SRBD1: variants seen among roughly 807,000 people sequenced by gnomAD.
SRBD1 encodes the protein S1 RNA binding domain 1.
A neutral mutation model predicts 115.3 loss-of-function variants in SRBD1; 88 were observed. That is an observed-to-expected ratio of 0.76 (90% CI 0.64 to 0.91). The LOEUF (loss-of-function observed/expected upper bound fraction) is 0.91, where lower values mean the gene tolerates loss of function less well. Among genes scored for constraint, SRBD1 ranks in the 40% least tolerant of loss-of-function variants. The pLI is 0.00. For synonymous variants in SRBD1, 509 were observed against 407.7 expected, an observed-to-expected ratio of 1.25 and a Z score of -2.99; for missense variants, 1,385 against 1,177.4, an observed-to-expected ratio of 1.18 and a Z score of -2.58.
intron 14 of SRBD1, among the ~76,000 whole-genome samples, chr2:45,501,815 C>A (rs1670640314): frequency 6.6e-6 from 1 of 152,176 alleles, no homozygotes; most frequent in African/African-American, 2.4e-5. Flanking sequence ...GTGGAGTCCA[C>A]CGCAGCTCAA....
chr2:45,553,529 T>A (rs1672369619), intron 11 of SRBD1, 94 bp downstream of exon 11: 2 of 785,962 alleles, frequency 2.5e-6, no homozygotes, highest in Non-Finnish European at 3.7e-6. Flanking sequence ...TTCGATTGGT[T>A]AATCAATCAA....
intron 20 of SRBD1, among the ~76,000 whole-genome samples, chr2:45,390,991 C>CT (rs776900418): frequency 7.7e-4 from 117 of 152,242 alleles, no homozygotes; most frequent in Non-Finnish European, 1.3e-3. Flanking sequence ...CAAAGTGGAA[C>CT]TAAGTCACTG....
chr2:45,460,980 A>G (rs184678386), intron 16 of SRBD1, among the ~76,000 whole-genome samples: 159 of 152,320 alleles, frequency 1.0e-3, no homozygotes, highest in African/African-American at 3.6e-3. Flanking sequence ...TGATGACCGA[A>G]TAACAACCCA....
intron 19 of SRBD1, among the ~76,000 whole-genome samples, chr2:45,409,534 TAAAG>T (rs1667535410): frequency 7.8e-6 from 1 of 127,452 alleles, no homozygotes; most frequent in Non-Finnish European, 1.7e-5. Context: ...AAAAAAAGAA[TAAAG>T]AAAAGAAAAA....
intron 3 of SRBD1, among the ~76,000 whole-genome samples, chr2:45,601,558 C>T (rs1383008049): frequency 2.0e-5 from 3 of 152,210 alleles, no homozygotes; most frequent in Non-Finnish European, 4.4e-5. Flanking sequence ...GCTTTCTCAT[C>T]TATAAAATCA....
chr2:45,486,518 G>A (rs997500000), intron 15 of SRBD1, among the ~76,000 whole-genome samples: 1 of 152,000 alleles, frequency 6.6e-6, no homozygotes, highest in African/African-American at 2.4e-5. Flanking sequence ...ATGAGGTCAG[G>A]AGATCGAGAC....
chr2:45,521,453 A>G (rs1671281179), intron 14 of SRBD1, among the ~76,000 whole-genome samples: 1 of 152,126 alleles, frequency 6.6e-6, no homozygotes, highest in African/African-American at 2.4e-5. Context: ...CCAAAATGAG[A>G]TATCACTGCA....
At chr2:45,391,449 A>C (rs1476925508) in intron 20 of SRBD1, among the ~76,000 whole-genome samples, 2 of 152,158 alleles carry the variant, frequency 1.3e-5, no homozygotes, top group Non-Finnish European at 2.9e-5. Flanking sequence ...AAAGAGATGT[A>C]ACATAAAATA....
At chr2:45,416,950 T>C (rs532303952) in intron 18 of SRBD1, among the ~76,000 whole-genome samples, 85 of 152,320 alleles carry the variant, frequency 5.6e-4, no homozygotes, top group African/African-American at 2.0e-3. Context: ...AGCTAATTTT[T>C]GTATTTTTAG....
chr2:45,414,710 G>A (rs1300001164), intron 18 of SRBD1, among the ~76,000 whole-genome samples: 1 of 140,020 alleles, frequency 7.1e-6, no homozygotes, highest in Non-Finnish European at 1.5e-5. Context: ...TGTGTATATA[G>A]TATGTATATA....
intron 14 of SRBD1, among the ~76,000 whole-genome samples, chr2:45,507,922 G>GA (rs1211408189): frequency 6.6e-6 from 1 of 151,772 alleles, no homozygotes; most frequent in African/African-American, 2.4e-5. Flanking sequence ...ATAAGTGGCA[G>GA]AAAAAAAGAA....
At chr2:45,583,213 T>TAAAAAAAAAAAA (rs57312291) in intron 5 of SRBD1, among the ~76,000 whole-genome samples, 1 of 145,790 alleles carries the variant, frequency 6.9e-6, no homozygotes, top group Non-Finnish European at 1.5e-5. Flanking sequence ...ACTTGTAAAT[T>TAAAAAAAAAAAA]AAAAAAAAAA....
chr2:45,527,616 T>G (rs1019932645), intron 14 of SRBD1, among the ~76,000 whole-genome samples: 2 of 151,906 alleles, frequency 1.3e-5, no homozygotes, highest in African/African-American at 4.8e-5. Context: ...GATTGTATAC[T>G]ATGTGCCAAG....
intron 4 of SRBD1, among the ~76,000 whole-genome samples, chr2:45,597,135 TGGAGGCTGAGTGC>T: frequency 6.6e-6 from 1 of 152,238 alleles, no homozygotes; most frequent in South Asian, 2.1e-4. Context: ...AATTTGGAAC[TGGAGGCTGAGTGC>T]GGTGGCTTAC....
chr2:45,441,956 A>T (rs560540395), intron 16 of SRBD1, among the ~76,000 whole-genome samples: 2 of 152,188 alleles, frequency 1.3e-5, no homozygotes, highest in Non-Finnish European at 2.9e-5. Flanking sequence ...GTCAATAAAG[A>T]GTTCCTGTTA....
chr2:45,423,562 C>T (rs1668067606), intron 16 of SRBD1, among the ~76,000 whole-genome samples: 1 of 151,924 alleles, frequency 6.6e-6, no homozygotes, highest in South Asian at 2.1e-4. Context: ...GTAATCAAAA[C>T]TCTCCCAACA....
intron 16 of SRBD1, among the ~76,000 whole-genome samples, chr2:45,438,713 G>T (rs572912474): frequency 3.9e-5 from 6 of 152,180 alleles, no homozygotes; most frequent in Admixed American, 2.6e-4. Flanking sequence ...AGGATGGGGG[G>T]TATAAAAGAA....
At chr2:45,496,293 C>G (rs943428452) in intron 14 of SRBD1, among the ~76,000 whole-genome samples, 84 of 151,964 alleles carry the variant, frequency 5.5e-4, no homozygotes, top group Non-Finnish European at 2.6e-4. Flanking sequence ...GCAAATTATT[C>G]TACTCCATCA....
rs1558428359 is a variant in SRBD1 at position 45,488,278 on chromosome 2, T to C, written c.1928A>G (p.Lys643Arg). ...SIYSVSPEAN[K>R]EMPGLDPNLR... is the part of the protein sequence containing the mutation. ...ATTAGGGTCCAGCCCTGGCATCTCT[T>C]TGTTAGCTTCAGGGCTGACACTGTA... Residue 643 changes from lysine (K) to arginine (R), a missense_variant, in exon 15 of 21, where the codon AAA (lysine) becomes AGA (arginine). Transcript: ENST00000263736. The C allele has an allele frequency of 3.1e-6, 5 of 1,614,052 alleles. No individual in the cohort carries two copies. The highest frequency in any genetic ancestry group is 3.4e-6 in the Non-Finnish European group (4 of 1,179,958).
Sources: gnomAD v4.1 joint callset for allele counts (sites outside exome capture counted in the v4.1 genomes callset) on GRCh38, gnomAD v4.1.1 for gene constraint, MANE v1.5 for transcripts, NCBI Gene and HGNC (gene_info 2026-07-23, HGNC 2026-07-21) for gene names.